Variants in BBS9 observed in about 807,000 individuals in gnomAD.
BBS9 encodes Bardet-Biedl syndrome 9, also known as protein PTHB1.
BBS9 carries 89 observed loss-of-function variants against 117.7 expected under a neutral mutation model. That is an observed-to-expected ratio of 0.76 (90% CI 0.64 to 0.90). The LOEUF (loss-of-function observed/expected upper bound fraction) is 0.90. Among genes scored for constraint, BBS9 ranks in the 40% least tolerant of loss-of-function variants. The pLI is 0.00. For missense variants in BBS9, 982 were observed against 1,042.2 expected (o/e 0.94, Z 0.80); for synonymous variants, 379 against 370.9 (o/e 1.02, Z -0.25).
At chr7:33,387,780 CTTTTACAAT>C (rs1217928640) in intron 18 of BBS9, among the ~76,000 whole-genome samples, 1 of 152,136 alleles carries the variant, frequency 6.6e-6, no homozygotes, top group African/African-American at 2.4e-5. Flanking sequence ...TACTGGTTAA[CTTTTACAAT>C]TTTCCATTTG....
chr7:33,129,463 G>A (rs886683623), upstream of BBS9: 1 of 218,678 alleles, frequency 4.6e-6, no homozygotes. Context: ...CCTCTCAGAA[G>A]TCGGTCCCCG....
intron 19 of BBS9, among the ~76,000 whole-genome samples, chr7:33,428,809 C>T (rs533459715): frequency 2.0e-5 from 3 of 152,130 alleles, no homozygotes; most frequent in Non-Finnish European, 4.4e-5. Flanking sequence ...GTTTAATTAG[C>T]CTCTACAGGC....
chr7:33,386,745 C>T (rs1328094823), intron 18 of BBS9, among the ~76,000 whole-genome samples: 3 of 151,932 alleles, frequency 2.0e-5, no homozygotes, highest in African/African-American at 4.8e-5. Flanking sequence ...CCGCCCGCCT[C>T]GGCCTCCCAA....
In BBS9 at chr7:33,577,055, G is replaced by A. The variant is rs192197715; in HGVS notation, c.2522-27810G>A. Reference sequence around the variant, plus strand: ...AACAAAAGCCAAAATAGACAAATGGGATCTAATTAAACTGAAGAGCTTCTG... The same window carrying A: ...AACAAAAGCCAAAATAGACAAATGGAATCTAATTAAACTGAAGAGCTTCTG... On this transcript the variant is annotated intron_variant, in intron 21 of 22. Coordinates refer to ENST00000242067, the MANE Select transcript of BBS9 (RefSeq NM_198428.3). Among the ~76,000 whole-genome samples the A allele has an allele frequency of 5.2e-3, 792 of 152,218 alleles. 7 individuals carry two copies. The highest frequency in any genetic ancestry group is 0.019 in the African/African-American group (775 of 41,530).
rs79011969 is a variant in BBS9, at chr7:33,194,665, C to A, written c.442+17074C>A. ...ATTTCATTGTATTTGATGTGAATAT[C>A]TTTTTTCCAGATTGTTATTGGCTTT... On this transcript the variant is annotated intron_variant, in intron 5 of 22. Coordinates refer to ENST00000242067, the MANE Select transcript of BBS9 (RefSeq NM_198428.3). 0.018 allele frequency among the ~76,000 whole-genome samples: 2,726 copies of A among 152,168 alleles called. 217 individuals are homozygous for A. The East Asian group carries it at 0.27, about 15-fold the overall frequency.
chr7:33,288,778 G>A (rs571683012), intron 9 of BBS9, among the ~76,000 whole-genome samples: 216 of 152,164 alleles, frequency 1.4e-3, no homozygotes, highest in Non-Finnish European at 2.2e-3. Flanking sequence ...ATAGCAATTT[G>A]TATCATTATG....
chr7:33,424,125 T>C (rs75790714), intron 19 of BBS9, among the ~76,000 whole-genome samples: 41 of 152,294 alleles, frequency 2.7e-4, no homozygotes, highest in African/African-American at 8.4e-4. Flanking sequence ...ACATACACTA[T>C]GTGTATTGTA....
At chr7:33,612,467 C>A (rs1864931012) in intron 21 of BBS9, among the ~76,000 whole-genome samples, 1 of 152,030 alleles carries the variant, frequency 6.6e-6, no homozygotes, top group South Asian at 2.1e-4. Context: ...CCAGTGCCAT[C>A]TGGATCTGGT....
intron 19 of BBS9, among the ~76,000 whole-genome samples, chr7:33,490,024 G>A (rs1311695428): frequency 6.6e-6 from 1 of 152,124 alleles, no homozygotes; most frequent in Non-Finnish European, 1.5e-5. Flanking sequence ...TCTAGTAAAT[G>A]GATTCTATTA....
rs149005159 is a variant in BBS9 at position 33,505,996 on chromosome 7, G to A, written c.2298+351G>A. Among the ~76,000 whole-genome samples the A allele has an allele frequency of 3.9e-4, 60 of 152,246 alleles. No individual in the cohort carries two copies. In the East Asian group the frequency reaches 0.011, roughly 28 times the overall value. On this transcript the variant is annotated intron_variant, in intron 20 of 22. Coordinates refer to ENST00000242067, the MANE Select transcript of BBS9 (RefSeq NM_198428.3). Reference sequence around the variant, plus strand: ...CTTTTCCGCCAGAGAAAACACTTCGGCCATTTTAATTTGCTCAACCTTCTT... The same window carrying A: ...CTTTTCCGCCAGAGAAAACACTTCGACCATTTTAATTTGCTCAACCTTCTT...
intron 9 of BBS9, among the ~76,000 whole-genome samples, chr7:33,294,144 A>G (rs1211483122): frequency 3.3e-5 from 5 of 152,184 alleles, no homozygotes; most frequent in Non-Finnish European, 7.3e-5. Flanking sequence ...GATGCTGTTT[A>G]ACTTTGATCT....
intron 5 of BBS9, among the ~76,000 whole-genome samples, chr7:33,179,908 A>C (rs1797859532): frequency 6.6e-6 from 1 of 152,220 alleles, no homozygotes; most frequent in Non-Finnish European, 1.5e-5. Flanking sequence ...TCAGTATATC[A>C]GTATGTTCAG....
At chr7:33,237,536 G>A (rs1793735084) in intron 5 of BBS9, among the ~76,000 whole-genome samples, 1 of 152,132 alleles carries the variant, frequency 6.6e-6, no homozygotes, top group Non-Finnish European at 1.5e-5. Context: ...TTTCACTTAA[G>A]AGTAGTGGTA....
intron 21 of BBS9, among the ~76,000 whole-genome samples, chr7:33,604,470 C>T (rs1178378737): frequency 6.6e-6 from 1 of 152,030 alleles, no homozygotes; most frequent in African/African-American, 2.4e-5. Flanking sequence ...AGGCTTCTTT[C>T]CCTCATGGTT....
At chr7:33,262,418 T>A (rs1401211393) in intron 6 of BBS9, among the ~76,000 whole-genome samples, 2 of 152,194 alleles carry the variant, frequency 1.3e-5, no homozygotes, top group Admixed American at 1.3e-4. Flanking sequence ...TGCCTAGGGT[T>A]AGATCCATAG....
At chr7:33,291,138 A>AT (rs1399298925) in intron 9 of BBS9, among the ~76,000 whole-genome samples, 1 of 152,100 alleles carries the variant, frequency 6.6e-6, no homozygotes, top group African/African-American at 2.4e-5. Flanking sequence ...CTGTTTTGAT[A>AT]TTTTTATCAG....
chr7:33,231,928 A>T (rs1792532996), intron 5 of BBS9, among the ~76,000 whole-genome samples: 1 of 152,090 alleles, frequency 6.6e-6, no homozygotes, highest in South Asian at 2.1e-4. Context: ...ACTAGATGCC[A>T]GTAGTACCCC....
intron 21 of BBS9, among the ~76,000 whole-genome samples, chr7:33,587,829 C>G (rs1419778902): frequency 6.6e-6 from 1 of 151,992 alleles, no homozygotes; most frequent in African/African-American, 2.4e-5. Context: ...GTTTATGTTA[C>G]CAGAGTGTAA....
intron 21 of BBS9, among the ~76,000 whole-genome samples, chr7:33,627,224 T>G (rs7787326): frequency 0.31 from 47,155 of 152,214 alleles, 8,695 homozygotes; most frequent in African/African-American, 0.5. Context: ...AGGCTGCTGC[T>G]CCTGAGGGTG....
Sources: gnomAD v4.1 joint callset for allele counts (sites outside exome capture counted in the v4.1 genomes callset) on GRCh38, gnomAD v4.1.1 for gene constraint, MANE v1.5 for transcripts, NCBI Gene and HGNC (gene_info 2026-07-23, HGNC 2026-07-21) for gene names.